LMOD1: variants seen among roughly 807,000 people sequenced by gnomAD.
LMOD1 encodes the protein leiomodin 1, also known as leiomodin-1.
A neutral mutation model predicts 36.5 loss-of-function variants in LMOD1; 8 were observed. The ratio of observed to expected loss-of-function variants is 0.22; its 90% CI spans 0.13 to 0.40. The LOEUF (loss-of-function observed/expected upper bound fraction) is 0.40, where lower values mean the gene tolerates loss of function less well. Ranked by LOEUF, LMOD1 falls within the 10% of genes least tolerant of loss-of-function variation. The probability of loss-of-function intolerance (pLI) is 1.00; values close to 1 mark genes in which losing one functional copy is unlikely to be tolerated. For missense variants in LMOD1, 630 were observed against 751.1 expected (o/e 0.84, Z 1.88); for synonymous variants, 284 against 288.7 (o/e 0.98, Z 0.17).
rs774193089 is a variant in LMOD1, at chr1:201,899,627, A to G, written c.1386T>C (p.Thr462=). Residue 462 remains threonine, a synonymous_variant, in exon 2 of 3, where the codon ACT becomes ACC. Coordinates refer to ENST00000367288, the MANE Select transcript of LMOD1 (RefSeq NM_012134.3). This position sits in a 1 kb window ranked among gnomAD's most constrained non-coding sequence, Gnocchi z 6.3. ...YHFELAGPRM[T]VTNLLSRNMD... ...TGTTGCGGCTGAGCAGATTGGTGAC[A>G]GTCATTCGGGGCCCGGCCAGCTCAA... The G allele has an allele frequency of 1.2e-6, 2 of 1,613,006 alleles. No individual in the cohort carries two copies. Among genetic ancestry groups the G allele is most frequent in the Non-Finnish European group, 8.5e-7 (1 of 1,179,500 alleles).
At chr1:201,942,976 T>C (rs1233329611) in intron 1 of LMOD1, among the ~76,000 whole-genome samples, 1 of 152,234 alleles carries the variant, frequency 6.6e-6, no homozygotes, top group Non-Finnish European at 1.5e-5. Flanking sequence ...CTTAACAGCA[T>C]CCACTATCTA....
intron 1 of LMOD1, among the ~76,000 whole-genome samples, chr1:201,914,546 T>C (rs963028567): frequency 2.0e-5 from 3 of 152,144 alleles, no homozygotes; most frequent in Non-Finnish European, 4.4e-5. Context: ...TGGTTCTTCA[T>C]AGCATCTATC....
At chr1:201,901,512 AT>A (rs772747149) in intron 1 of LMOD1, among the ~76,000 whole-genome samples, 2,352 of 34,758 alleles carry the variant, frequency 0.068, 187 homozygotes, top group South Asian at 0.17. Context: ...CAAAAAAAAA[AT>A]ATATATATAT....
intron 1 of LMOD1, among the ~76,000 whole-genome samples, chr1:201,922,122 A>C (rs1323610658): frequency 1.3e-5 from 2 of 152,196 alleles, no homozygotes; most frequent in Non-Finnish European, 2.9e-5. Context: ...GAGAAATTGG[A>C]CCCCTTGTAT....
At chr1:201,919,638 G>A (rs903153554) in intron 1 of LMOD1, among the ~76,000 whole-genome samples, 1 of 152,178 alleles carries the variant, frequency 6.6e-6, no homozygotes, top group Non-Finnish European at 1.5e-5. Flanking sequence ...TCTCCCTGAG[G>A]CTGCTTTTCT....
intron 1 of LMOD1, among the ~76,000 whole-genome samples, chr1:201,909,353 A>G (rs772817754): frequency 1.3e-5 from 2 of 152,200 alleles, no homozygotes; most frequent in Non-Finnish European, 2.9e-5. Context: ...GAAACCAGAG[A>G]AATTCTAACA....
intron 1 of LMOD1, among the ~76,000 whole-genome samples, chr1:201,944,355 C>T (rs1025023898): frequency 6.6e-6 from 1 of 152,190 alleles, no homozygotes; most frequent in Non-Finnish European, 1.5e-5. Context: ...TGTGATTAGA[C>T]TGCTTTGTTT....
intron 1 of LMOD1, among the ~76,000 whole-genome samples, chr1:201,911,443 T>A (rs1681495601): frequency 6.6e-6 from 1 of 152,156 alleles, no homozygotes. Flanking sequence ...TGTGTGCGGA[T>A]CACTTGAGGT....
In LMOD1 at chr1:201,899,013, C is replaced by T. The variant is rs1025342391; in HGVS notation, c.1776+224G>A. Among the ~76,000 whole-genome samples, 4 of 152,150 alleles carry T rather than the reference C, an allele frequency of 2.6e-5. No homozygotes were observed. Among genetic ancestry groups the T allele is most frequent in the African/African-American group, 9.7e-5 (4 of 41,430 alleles). On this transcript the variant is annotated intron_variant, in intron 2 of 2. Coordinates refer to ENST00000367288, the MANE Select transcript of LMOD1 (RefSeq NM_012134.3). This position sits in a 1 kb window ranked among gnomAD's most constrained non-coding sequence, Gnocchi z 6.3. Reference sequence around the variant, plus strand: ...ATGGAGTGAGGTATTAAAGGAAGCTCCTTAAAGGAAGGGTAGAGTCTCAGC... The same window carrying T: ...ATGGAGTGAGGTATTAAAGGAAGCTTCTTAAAGGAAGGGTAGAGTCTCAGC...
At chr1:201,941,639 C>A (rs1157992090) in intron 1 of LMOD1, among the ~76,000 whole-genome samples, 1 of 152,244 alleles carries the variant, frequency 6.6e-6, no homozygotes, top group Non-Finnish European at 1.5e-5. Context: ...GCCTTCCCGG[C>A]CCCGTAGAGA....
At chr1:201,931,676 G>A (rs920562148) in intron 1 of LMOD1, among the ~76,000 whole-genome samples, 11 of 152,114 alleles carry the variant, frequency 7.2e-5, no homozygotes, top group Non-Finnish European at 1.6e-4. Flanking sequence ...GGCTTCAAGT[G>A]TCTCCACGAA....
intron 1 of LMOD1, among the ~76,000 whole-genome samples, chr1:201,932,295 C>T (rs1483221045): frequency 2.0e-5 from 3 of 152,100 alleles, no homozygotes; most frequent in Non-Finnish European, 2.9e-5. Flanking sequence ...ATGGGATATG[C>T]CTCTAAGTCA....
At chr1:201,924,655 A>G (rs1292363360) in intron 1 of LMOD1, among the ~76,000 whole-genome samples, 1 of 141,064 alleles carries the variant, frequency 7.1e-6, no homozygotes, top group African/African-American at 2.7e-5. Flanking sequence ...AAAGAGAGAA[A>G]GAAAGAAAAA....
chr1:201,909,955 G>C (rs1003444100), intron 1 of LMOD1, among the ~76,000 whole-genome samples: 1 of 152,190 alleles, frequency 6.6e-6, no homozygotes, highest in Non-Finnish European at 1.5e-5. Context: ...TCTTTCACCT[G>C]AATGCCTGGT....
At chr1:201,938,062 G>A (rs1444794072) in intron 1 of LMOD1, among the ~76,000 whole-genome samples, 1 of 151,870 alleles carries the variant, frequency 6.6e-6, no homozygotes, top group African/African-American at 2.4e-5. Context: ...CCAGCACTCT[G>A]CTTAGTGCTT....
At chr1:201,935,285 C>T (rs976727492) in intron 1 of LMOD1, among the ~76,000 whole-genome samples, 4 of 150,798 alleles carry the variant, frequency 2.7e-5, no homozygotes, top group African/African-American at 9.7e-5. Context: ...CGGGGTGATC[C>T]GTACTGCCTA....
At chr1:201,923,848 G>A (rs998064930) in intron 1 of LMOD1, among the ~76,000 whole-genome samples, 2 of 150,972 alleles carry the variant, frequency 1.3e-5, no homozygotes, top group Non-Finnish European at 2.9e-5. Flanking sequence ...CTGGGTGACC[G>A]GGAGTGTGAT....
rs756726301 is a variant in LMOD1, at chr1:201,899,410, G to A, written c.1603C>T (p.Pro535Ser). The A allele has an allele frequency of 6.2e-7, 1 of 1,608,360 alleles. No homozygotes were observed. The highest frequency in any genetic ancestry group is 1.1e-5 in the South Asian group (1 of 90,902). Residue 535 changes from proline to serine, a missense_variant, in exon 2 of 3, where the codon CCA becomes TCA. Physicochemically the swap from Pro to Ser is moderately conservative, Grantham distance 74 (BLOSUM62 -1). Coordinates refer to ENST00000367288, the MANE Select transcript of LMOD1 (RefSeq NM_012134.3). The surrounding 1 kb of genome is among the most constrained non-coding windows in gnomAD (Gnocchi z 6.3). ...PKKGGAPAAP[P>S]PPPPPLAPPL... Reference sequence around the variant, plus strand: ...GGAGCCAAGGGAGGGGGAGGGGGTGGTGGGGCAGCTGGAGCACCCCCTTTT... The same window carrying A: ...GGAGCCAAGGGAGGGGGAGGGGGTGATGGGGCAGCTGGAGCACCCCCTTTT...
At chr1:201,925,843 C>T (rs1681818830) in intron 1 of LMOD1, among the ~76,000 whole-genome samples, 1 of 151,838 alleles carries the variant, frequency 6.6e-6, no homozygotes, top group African/African-American at 2.4e-5. Context: ...TAGCTGGAAC[C>T]ACAGGCGTGC....
Sources: gnomAD v4.1 joint callset for allele counts (sites outside exome capture counted in the v4.1 genomes callset) on GRCh38, gnomAD v4.1.1 for gene constraint, Gnocchi (gnomAD v3.1) non-coding constraint, MANE v1.5 for transcripts, NCBI Gene and HGNC (gene_info 2026-07-23, HGNC 2026-07-21) for gene names.